The following DIPK2B variants were observed in gnomAD, a reference collection of about 807,000 sequenced individuals.
DIPK2B encodes UPF0672 protein CXorf36.
DIPK2B carries 15 observed loss-of-function variants against 22.2 expected under a neutral mutation model. The observed-to-expected ratio is 0.68, with a 90% CI of 0.45 to 1.04. DIPK2B has a LOEUF of 1.04. Ranked by LOEUF, DIPK2B falls within the 50% of genes least tolerant of loss-of-function variation. DIPK2B has a pLI of 0.00. For missense variants in DIPK2B, 345 were observed against 348.3 expected, an observed-to-expected ratio of 0.99 and a Z score of 0.08; for synonymous variants, 163 against 153.2, an observed-to-expected ratio of 1.06 and a Z score of -0.47.
rs769817473 is a variant in DIPK2B, at chrX:45,193,868, A to G, written c.234-1853T>C. Among the ~76,000 whole-genome samples the G allele has an allele frequency of 9.0e-5, 10 of 111,255 alleles. No individual in the cohort carries two copies. The East Asian group carries it at 2.3e-3, about 25-fold the overall frequency. On this transcript the variant is annotated intron_variant, in intron 1 of 4. Coordinates refer to ENST00000398000, the MANE Select transcript of DIPK2B (RefSeq NM_176819.4). ...CCCAGAGACTGGCCTGTCTGCCTGT[A>G]TCCTGCAGCTGCTCCTGCTCATGGA...
intron 3 of DIPK2B, among the ~76,000 whole-genome samples, chrX:45,155,054 G>T (rs750982776): frequency 8.9e-6 from 1 of 112,620 alleles, no homozygotes; most frequent in African/African-American, 3.2e-5. Flanking sequence ...TTGGGAGGCC[G>T]ACGCAGGTGG....
Position 45,193,101 on chromosome X carries a change from C to T in DIPK2B, c.234-1086G>A, listed in dbSNP as rs750249875. Among the ~76,000 whole-genome samples the T allele has an allele frequency of 2.1e-3, 240 of 112,470 alleles. 2 individuals are homozygous for T. Among genetic ancestry groups the T allele is most frequent in the Non-Finnish European group, 2.0e-3 (109 of 53,281 alleles). On this transcript the variant is annotated intron_variant, in intron 1 of 4. Coordinates refer to ENST00000398000, the MANE Select transcript of DIPK2B (RefSeq NM_176819.4). ...GCAGGCATTGGCCTATTATCACCTG[C>T]CAATTTCCTAGGCCCCACAGTTATG...
At position 45,191,977 on chromosome X, in the gene DIPK2B, G is replaced by T. The variant is rs1457229975; in HGVS notation, c.272C>A (p.Pro91His). Residue 91 changes from proline to histidine, a missense_variant, in exon 2 of 5, where the codon CCC becomes CAC. Physicochemically the swap from Pro to His is moderately conservative, Grantham distance 77. Transcript: ENST00000398000. ...NWLASHLGLP[P>H]DSLLSYPANY... ...TGCAGGATAAGAAAGCAAGGAATCG[G>T]GAGGCAGTCCAAGGTGGGAAGCCAG... The T allele has an allele frequency of 4.1e-6, 5 of 1,211,299 alleles. No homozygotes were observed. The highest frequency in any genetic ancestry group is 5.6e-6 in the Non-Finnish European group (5 of 895,180).
At chrX:45,153,565 G>A (rs2046973110) in intron 4 of DIPK2B, among the ~76,000 whole-genome samples, 2 of 106,427 alleles carry the variant, frequency 1.9e-5, no homozygotes, top group Non-Finnish European at 3.9e-5. Context: ...AAGAGAGAGA[G>A]AGAGAGAGAA....
intron 2 of DIPK2B, among the ~76,000 whole-genome samples, chrX:45,190,428 AG>A (rs2148349687): frequency 9.0e-6 from 1 of 111,610 alleles, no homozygotes; most frequent in Admixed American, 9.5e-5. Flanking sequence ...CAGGGAGTGA[AG>A]GACACAAGTC....
intron 3 of DIPK2B, among the ~76,000 whole-genome samples, chrX:45,154,403 A>G (rs2046981795): frequency 9.0e-6 from 1 of 110,581 alleles, no homozygotes; most frequent in African/African-American, 3.3e-5. Context: ...TCTATCATCT[A>G]TCATCTCTCT....
rs1424259494 is a variant in DIPK2B at position 45,200,773 on chromosome X, G to A, written c.54C>T (p.Ala18=). ...TCAGGGCTGAGACCCACAGCAGCAG[G>A]GCCAGCCAGCCAGGGCGGAGGGCGG... The part of the protein sequence containing the change: ...EAAALRPGWL[A]LLLWVSALSC... Residue 18 remains alanine, a synonymous_variant, in exon 1 of 5, where the codon GCC becomes GCT. Coordinates refer to ENST00000398000, the MANE Select transcript of DIPK2B (RefSeq NM_176819.4). The A allele has an allele frequency of 1.7e-6, 2 of 1,207,860 alleles. No individual in the cohort carries two copies. The highest frequency in any genetic ancestry group is 2.2e-6 in the Non-Finnish European group (2 of 893,686).
At chrX:45,172,042 G>T (rs2148340956) in intron 2 of DIPK2B, among the ~76,000 whole-genome samples, 1 of 111,783 alleles carries the variant, frequency 8.9e-6, no homozygotes, top group African/African-American at 3.3e-5. Context: ...TGGAGGAGCA[G>T]GGACCATGAC....
At chrX:45,182,339 A>G (rs140312879) in intron 2 of DIPK2B, among the ~76,000 whole-genome samples, 1,927 of 111,906 alleles carry the variant, frequency 0.017, 44 homozygotes, top group African/African-American at 0.059. Context: ...AATTCAAACC[A>G]TACAATGATA....
At chrX:45,160,678 G>T (rs1364436661) in intron 2 of DIPK2B, among the ~76,000 whole-genome samples, 1 of 111,969 alleles carries the variant, frequency 8.9e-6, no homozygotes, top group Non-Finnish European at 1.9e-5. Context: ...AAACTACAGG[G>T]GGTTAGGGCT....
In DIPK2B at chrX:45,177,999, C is replaced by T. The variant is rs193201513; in HGVS notation, c.498+13752G>A. 8.9e-3 allele frequency among the ~76,000 whole-genome samples: 995 copies of T among 111,837 alleles called. 11 individuals carry two copies. The highest frequency in any genetic ancestry group is 0.031 in the African/African-American group (949 of 30,800). On this transcript the variant is annotated intron_variant, in intron 2 of 4. Coordinates refer to ENST00000398000, the MANE Select transcript of DIPK2B (RefSeq NM_176819.4). ...AAAGACACTGATAAAAGATCCAATC[C>T]CTACCCTCAAGGAGCTGCCTATATG...
chrX:45,163,784 T>C (rs2047033920), intron 2 of DIPK2B: 1 of 765,434 alleles, frequency 1.3e-6, no homozygotes, highest in African/African-American at 2.3e-5. Flanking sequence ...AATTTAGAAG[T>C]TATGTGGGCC....
At chrX:45,163,025 CCA>C (rs2047030037) in intron 2 of DIPK2B, 5 of 633,510 alleles carry the variant, frequency 7.9e-6, no homozygotes, top group Non-Finnish European at 9.4e-6. Context: ...GCTGTATTCC[CCA>C]GTTATTCAAT....
chrX:45,181,882 T>C (rs182772879), intron 2 of DIPK2B, among the ~76,000 whole-genome samples: 50 of 111,247 alleles, frequency 4.5e-4, no homozygotes, highest in African/African-American at 1.2e-3. Flanking sequence ...GAAACAATTA[T>C]GGCAGCCTGG....
chrX:45,168,109 G>A (rs138851443), intron 2 of DIPK2B, among the ~76,000 whole-genome samples: 2,054 of 112,716 alleles, frequency 0.018, 45 homozygotes, highest in East Asian at 0.1. Context: ...GAAGGAGGGA[G>A]GAAAATCTAA....
intron 2 of DIPK2B, among the ~76,000 whole-genome samples, chrX:45,178,170 T>C (rs1015041789): frequency 2.7e-5 from 3 of 112,226 alleles, no homozygotes; most frequent in African/African-American, 9.7e-5. Flanking sequence ...AAGGCCTCAG[T>C]TCCCTTGGTA....
intron 2 of DIPK2B, among the ~76,000 whole-genome samples, chrX:45,179,338 T>G (rs748640918): frequency 2.3e-4 from 26 of 111,034 alleles, no homozygotes; most frequent in Non-Finnish European, 4.0e-4. Context: ...TTATAAGGCA[T>G]TACAGTTAAA....
At position 45,191,733 on chromosome X, in the gene DIPK2B, C is replaced by T. The variant is rs765049102; in HGVS notation, c.498+18G>A. 1 of 1,203,583 alleles carries T rather than the reference C, an allele frequency of 8.3e-7. No individual in the cohort carries two copies. Among genetic ancestry groups the T allele is most frequent in the East Asian group, 3.0e-5 (1 of 33,762 alleles). On this transcript the variant is annotated intron_variant, in intron 2 of 4. Transcript: ENST00000398000. ...CATCATCCCCTTCACACCCCCTTCC[C>T]ATGGCCTTCACACTCACCTGCACCA... is the stretch of plus-strand genomic sequence containing the variant.
At chrX:45,163,389 A>G in intron 2 of DIPK2B, 1 of 753,144 alleles carries the variant, frequency 1.3e-6, no homozygotes, top group Non-Finnish European at 1.6e-6. Context: ...TACACTAGCT[A>G]AAGGAAAAAC....
Sources: gnomAD v4.1 joint callset for allele counts (sites outside exome capture counted in the v4.1 genomes callset) on GRCh38, gnomAD v4.1.1 for gene constraint, MANE v1.5 for transcripts, NCBI Gene and HGNC (gene_info 2026-07-23, HGNC 2026-07-21) for gene names.